NLRP1: variants seen among roughly 807,000 people sequenced by gnomAD.
NLRP1 encodes the protein NLR family pyrin domain containing 1.
Under a neutral mutation model 136.7 loss-of-function variants are expected in NLRP1, and 94 were observed. That is an observed-to-expected ratio of 0.69 (90% CI 0.58 to 0.82). The LOEUF is 0.82. NLRP1 is among the 40% of genes least tolerant of loss of function. The pLI is 0.00. For synonymous variants in NLRP1, 690 were observed against 725.1 expected, an observed-to-expected ratio of 0.95 and a Z score of 0.78; for missense variants, 1,575 against 1,802.7, an observed-to-expected ratio of 0.87 and a Z score of 2.29.
At chr17:5,536,989 C>T (rs887055505) in intron 7 of NLRP1, 49 bp from the exon 8 acceptor site, 2 of 1,314,024 alleles carry the variant, frequency 1.5e-6, no homozygotes, top group African/African-American at 2.9e-5. Flanking sequence ...CCATGTGGTC[C>T]CCAGGTCCCC....
chr17:5,540,811 A>T (rs1348281523), intron 6 of NLRP1, among the ~76,000 whole-genome samples: 1 of 152,182 alleles, frequency 6.6e-6, no homozygotes, highest in Non-Finnish European at 1.5e-5. Context: ...ATGGGGAAGC[A>T]GGCAATAGCC....
chr17:5,579,881 A>T (rs374897143), intron 3 of NLRP1, among the ~76,000 whole-genome samples: 12 of 152,194 alleles, frequency 7.9e-5, no homozygotes, highest in East Asian at 3.8e-4. Context: ...TGGACACATA[A>T]AAGGAACAAT....
At chr17:5,523,275 G>T (rs901576277) in intron 12 of NLRP1, among the ~76,000 whole-genome samples, 3 of 152,038 alleles carry the variant, frequency 2.0e-5, no homozygotes, top group African/African-American at 7.2e-5. Context: ...GACAGAGTGA[G>T]ACCCTGTCTC....
At position 5,583,958 on chromosome 17, in the gene NLRP1, C is replaced by G. The variant is rs1208884771; in HGVS notation, c.-1G>C. 1 of 1,608,332 alleles carries G rather than the reference C, an allele frequency of 6.2e-7. No homozygotes were observed. On this transcript the variant is annotated 5_prime_UTR_variant, in exon 1 of 17. Coordinates refer to ENST00000572272, the MANE Select transcript of NLRP1 (RefSeq NM_033004.4). This position sits in a 1 kb window ranked among gnomAD's most constrained non-coding sequence, Gnocchi z 4.5. ...GGCGGCCCCAGGCTCCGCCAGCCAT[C>G]TCTGTCCCGGAGTTAAGAGGGTGTC...
intron 15 of NLRP1, among the ~76,000 whole-genome samples, chr17:5,517,156 G>C (rs1341882241): frequency 1.3e-5 from 2 of 152,112 alleles, no homozygotes; most frequent in African/African-American, 4.8e-5. Context: ...CTTTGTGTAT[G>C]TCGACATCTG....
chr17:5,515,412 G>A (rs1013311649), intron 16 of NLRP1, 61 bp downstream of exon 16: 2 of 1,369,586 alleles, frequency 1.5e-6, no homozygotes, highest in African/African-American at 2.9e-5. Context: ...CCTTCCCCCA[G>A]AACCAGACAG....
At chr17:5,515,134 G>T in intron 16 of NLRP1, 61 bp from the exon 17 acceptor site, 4 of 1,454,924 alleles carry the variant, frequency 2.7e-6, no homozygotes, top group Non-Finnish European at 2.9e-6. Flanking sequence ...CACCTTCAGT[G>T]CTTTCCTCTC....
intron 3 of NLRP1, among the ~76,000 whole-genome samples, chr17:5,570,478 G>A (rs1439699810): frequency 4.0e-5 from 6 of 151,784 alleles, no homozygotes; most frequent in East Asian, 1.9e-4. Flanking sequence ...AGACTATTAC[G>A]AACACCTCTA....
intron 8 of NLRP1, among the ~76,000 whole-genome samples, chr17:5,535,175 A>G (rs892994241): frequency 2.0e-5 from 3 of 151,988 alleles, no homozygotes; most frequent in African/African-American, 7.2e-5. Flanking sequence ...AGCCGAGATC[A>G]TGCCATTGCA....
In NLRP1 at chr17:5,558,342, A is replaced by G; in HGVS notation, c.2354T>C (p.Val785Ala). The G allele has an allele frequency of 6.3e-7, 1 of 1,599,616 alleles. No individual in the cohort carries two copies. The highest frequency in any genetic ancestry group is 8.5e-7 in the Non-Finnish European group (1 of 1,172,662). The change falls in exon 4 of 17, where the codon GTC becomes GCC. Residue 785 changes from valine to alanine, a missense_variant. Transcript: ENST00000572272. ...HRSTWSPTMV[V>A]LFRWVPVTDA... ...CATGGGTGGTTTGGGTACTCACAGG[A>G]CTACCATGGTGGGGCTCCATGTTGA...
rs1430566986 is a variant in NLRP1 at position 5,546,971 on chromosome 17, G to A, written c.2529-4944C>T. Among the ~76,000 whole-genome samples, 4 of 152,190 alleles carry A rather than the reference G, an allele frequency of 2.6e-5. No homozygotes were observed. In the East Asian group the frequency reaches 7.7e-4, roughly 29 times the overall value. ...AGTGAGCCAGAATTAATCAGGCCCC[G>A]GCTTACCTGATACAGAGGAGGTAGG... is the stretch of plus-strand genomic sequence containing the variant. On this transcript the variant is annotated intron_variant, in intron 5 of 16. Coordinates refer to ENST00000572272, the MANE Select transcript of NLRP1 (RefSeq NM_033004.4).
chr17:5,568,487 T>G (rs989966808), intron 3 of NLRP1, among the ~76,000 whole-genome samples: 4 of 152,204 alleles, frequency 2.6e-5, no homozygotes, highest in African/African-American at 9.6e-5. Context: ...TGAGTTTCTT[T>G]GAATTTCCTC....
chr17:5,541,700 T>G lies in NLRP1; in HGVS notation c.2699+157A>C, dbSNP rs1300418299. The stretch of plus-strand genomic sequence containing the variant: ...CCCCCTCCCTCTGTCCAAGGGTGGA[T>G]GAGCTTCCTCCTGAGCCTCTACTGC... On this transcript the variant is annotated intron_variant, in intron 6 of 16. Coordinates refer to ENST00000572272, the MANE Select transcript of NLRP1 (RefSeq NM_033004.4). This position sits in a 1 kb window ranked among gnomAD's most constrained non-coding sequence, Gnocchi z 4.2. Among the ~76,000 whole-genome samples the G allele has an allele frequency of 6.6e-6, 1 of 152,140 alleles. No individual in the cohort carries two copies. The highest frequency in any genetic ancestry group is 1.5e-5 in the Non-Finnish European group (1 of 68,024).
In NLRP1 at chr17:5,558,452, G is replaced by C; in HGVS notation, c.2244C>G (p.Asp748Glu). The change falls in exon 4 of 17, where the codon GAC (aspartate) becomes GAG (glutamate). Residue 748 changes from aspartate to glutamate, a missense_variant. Physicochemically the swap from Asp to Glu is conservative, Grantham distance 45 (BLOSUM62 2). Coordinates refer to ENST00000572272, the MANE Select transcript of NLRP1 (RefSeq NM_033004.4). ...FEEMGMCVET[D>E]MELLVCTFCI... Reference sequence around the variant, plus strand: ...AGAAAGTGCACACTAAGAGCTCCATGTCTGTTTCTACACACATGCCCATTT... The same window carrying C: ...AGAAAGTGCACACTAAGAGCTCCATCTCTGTTTCTACACACATGCCCATTT... 1 of 1,613,858 alleles carries C rather than the reference G, an allele frequency of 6.2e-7. No individual in the cohort carries two copies. Among genetic ancestry groups the C allele is most frequent in the Non-Finnish European group, 8.5e-7 (1 of 1,179,940 alleles).
At chr17:5,569,096 G>C (rs1915613697) in intron 3 of NLRP1, among the ~76,000 whole-genome samples, 1 of 152,040 alleles carries the variant, frequency 6.6e-6, no homozygotes, top group Non-Finnish European at 1.5e-5. Flanking sequence ...ATTACCACCA[G>C]ACCTGCCTTA....
intron 11 of NLRP1, among the ~76,000 whole-genome samples, chr17:5,531,503 G>A (rs1309236372): frequency 6.6e-6 from 1 of 152,178 alleles, no homozygotes; most frequent in African/African-American, 2.4e-5. Flanking sequence ...ATAGGCATGA[G>A]CCACTATGCC....
chr17:5,530,230 T>C (rs1910069986), intron 12 of NLRP1, among the ~76,000 whole-genome samples: 1 of 152,208 alleles, frequency 6.6e-6, no homozygotes. Flanking sequence ...ATACAGTCTA[T>C]ATAAATGACA....
intron 7 of NLRP1, among the ~76,000 whole-genome samples, chr17:5,538,262 T>C (rs960090849): frequency 6.6e-6 from 1 of 152,022 alleles, no homozygotes; most frequent in African/African-American, 2.4e-5. Flanking sequence ...CCAGAGATAG[T>C]GTGGGGGTGG....
At chr17:5,501,955 C>G (rs1286708649) in intron 15 of NLRP1, 1 of 1,261,596 alleles carries the variant, frequency 7.9e-7, no homozygotes, top group African/African-American at 1.5e-5. Flanking sequence ...TTGTTAGTTG[C>G]AGCAAATCCA....
Sources: gnomAD v4.1 joint callset for allele counts (sites outside exome capture counted in the v4.1 genomes callset) on GRCh38, gnomAD v4.1.1 for gene constraint, Gnocchi (gnomAD v3.1) non-coding constraint, MANE v1.5 for transcripts, NCBI Gene and HGNC (gene_info 2026-07-23, HGNC 2026-07-21) for gene names.